The following RALGPS1 variants were observed in gnomAD, a reference collection of about 807,000 sequenced individuals.
RALGPS1 encodes the protein Ral GEF with PH domain and SH3 binding motif 1, also known as ras-specific guanine nucleotide-releasing factor RalGPS1.
In RALGPS1, 19 loss-of-function variants were observed where a neutral mutation model predicts 78.8. The ratio of observed to expected loss-of-function variants is 0.24; its 90% CI spans 0.17 to 0.35. The LOEUF is 0.35. RALGPS1 is among the 10% of genes least tolerant of loss of function. RALGPS1 has a pLI of 1.00. For synonymous variants in RALGPS1, 228 were observed against 256.3 expected, an observed-to-expected ratio of 0.89 and a Z score of 1.06; for missense variants, 454 against 688.3, an observed-to-expected ratio of 0.66 and a Z score of 3.81.
chr9:127,212,960 G>A lies in RALGPS1; in HGVS notation c.1463G>A (p.Gly488Asp), dbSNP rs2062362993. The change falls in exon 17 of 19, where the codon GGC (glycine) becomes GAC (aspartate). Residue 488 changes from glycine (G) to aspartate (D), a missense_variant. Transcript: ENST00000259351. The surrounding 1 kb of genome is among the most constrained non-coding windows in gnomAD (Gnocchi z 6.0). Reference sequence around the variant, plus strand: ...CTCCTCCAGTATAAATCCACACCTGGCAAAAAGGTTTCCATCGTGGGCTGG... The same window carrying A: ...CTCCTCCAGTATAAATCCACACCTGACAAAAAGGTTTCCATCGTGGGCTGG... ...TDRKHYKSTPGKKVSIVGWMV... is the reference protein window; with the variant it reads ...TDRKHYKSTPDKKVSIVGWMV... The A allele has an allele frequency of 6.2e-7, 1 of 1,614,174 alleles. No homozygotes were observed. The highest frequency in any genetic ancestry group is 8.5e-7 in the Non-Finnish European group (1 of 1,180,032).
chr9:127,097,842 A>G (rs61152674), intron 8 of RALGPS1, among the ~76,000 whole-genome samples: 8,947 of 152,228 alleles, frequency 0.059, 884 homozygotes, highest in African/African-American at 0.2. Context: ...CTTGGCTCCA[A>G]TCTCGATGGC....
intron 3 of RALGPS1, among the ~76,000 whole-genome samples, chr9:126,973,011 G>A (rs2040268349): frequency 6.6e-6 from 1 of 152,056 alleles, no homozygotes; most frequent in Non-Finnish European, 1.5e-5. Context: ...GCAGTGAGCC[G>A]AGATTGCGCC....
chr9:127,151,066 C>T (rs935486440), intron 8 of RALGPS1, among the ~76,000 whole-genome samples: 3 of 152,030 alleles, frequency 2.0e-5, no homozygotes, highest in Admixed American at 6.5e-5. Flanking sequence ...CGCCTGTAGT[C>T]CCAGCTACTC....
intron 11 of RALGPS1, among the ~76,000 whole-genome samples, chr9:127,190,141 A>T (rs1175212596): frequency 6.6e-6 from 1 of 152,128 alleles, no homozygotes; most frequent in Non-Finnish European, 1.5e-5. Flanking sequence ...TCCTCCCTAC[A>T]GTTACTGCTG....
chr9:127,035,644 C>T (rs1436620378), intron 5 of RALGPS1, among the ~76,000 whole-genome samples: 2 of 152,152 alleles, frequency 1.3e-5, no homozygotes, highest in African/African-American at 4.8e-5. Context: ...GCTCAACCCT[C>T]TCCAGGCTTC....
rs1290823041 is a variant in RALGPS1 at position 127,021,351 on chromosome 9, A to C, written c.217-13080A>C. Among the ~76,000 whole-genome samples the C allele has an allele frequency of 2.6e-5, 4 of 152,036 alleles. No individual in the cohort carries two copies. The East Asian group carries it at 5.8e-4, about 22-fold the overall frequency. On this transcript the variant is annotated intron_variant, in intron 4 of 18. Coordinates refer to ENST00000259351, the MANE Select transcript of RALGPS1 (RefSeq NM_014636.3). ...ACCCCGTCTCTACTAAAAATACAAA[A>C]ACTTAGCCGGGCATATTGGTGCACC...
At chr9:126,943,171 C>T (rs1028339425) in intron 1 of RALGPS1, among the ~76,000 whole-genome samples, 4 of 151,996 alleles carry the variant, frequency 2.6e-5, no homozygotes, top group Admixed American at 2.0e-4. Flanking sequence ...TGGAGTCTTA[C>T]TCACTCTGTT....
chr9:126,974,960 A>G (rs1296471525), intron 3 of RALGPS1, among the ~76,000 whole-genome samples: 1 of 151,302 alleles, frequency 6.6e-6, no homozygotes, highest in Non-Finnish European at 1.5e-5. Context: ...CCCTACCCAT[A>G]CTTCCCACCC....
At chr9:126,941,488 T>C (rs2036786871) in intron 1 of RALGPS1, among the ~76,000 whole-genome samples, 2 of 152,074 alleles carry the variant, frequency 1.3e-5, no homozygotes, top group Admixed American at 1.3e-4. Context: ...AAAGAGAAAA[T>C]TATGACCTGT....
intron 1 of RALGPS1, among the ~76,000 whole-genome samples, chr9:126,937,455 T>C (rs1205584185): frequency 6.6e-6 from 1 of 152,216 alleles, no homozygotes; most frequent in Non-Finnish European, 1.5e-5. Flanking sequence ...TCAGAACTTA[T>C]ATTAGGACTA....
chr9:127,057,716 C>T (rs996509404), intron 7 of RALGPS1, among the ~76,000 whole-genome samples: 1 of 152,218 alleles, frequency 6.6e-6, no homozygotes, highest in African/African-American at 2.4e-5. Context: ...GAGTACACAT[C>T]ACCGTGTGGC....
At chr9:127,154,876 A>G (rs1474515641) in intron 8 of RALGPS1, among the ~76,000 whole-genome samples, 1 of 152,204 alleles carries the variant, frequency 6.6e-6, no homozygotes, top group Non-Finnish European at 1.5e-5. Context: ...TTCTGTGCAC[A>G]GTAGCAAATC....
At chr9:127,105,980 A>G (rs1477255606) in intron 8 of RALGPS1, among the ~76,000 whole-genome samples, 1 of 152,202 alleles carries the variant, frequency 6.6e-6, no homozygotes, top group East Asian at 1.9e-4. Context: ...CCTTGTCCCC[A>G]TTTTACAGAG....
chr9:126,955,212 A>T (rs774743137), intron 1 of RALGPS1, among the ~76,000 whole-genome samples: 5 of 152,196 alleles, frequency 3.3e-5, no homozygotes, highest in Admixed American at 6.5e-5. Context: ...CTGACTGCCT[A>T]CCTAGAATAT....
intron 1 of RALGPS1, among the ~76,000 whole-genome samples, chr9:126,949,209 T>C (rs1588592038): frequency 6.6e-6 from 1 of 152,334 alleles, no homozygotes; most frequent in African/African-American, 2.4e-5. Flanking sequence ...ATCCAGTCTA[T>C]CATTGTTGGA....
chr9:126,941,781 C>T (rs139820607), intron 1 of RALGPS1, among the ~76,000 whole-genome samples: 133 of 152,338 alleles, frequency 8.7e-4, no homozygotes, highest in Middle Eastern at 3.4e-3. Context: ...ATCTCCCTCA[C>T]CTTTTTATCT....
chr9:127,081,974 A>G (rs964369337), intron 8 of RALGPS1, among the ~76,000 whole-genome samples: 3 of 152,182 alleles, frequency 2.0e-5, no homozygotes, highest in African/African-American at 7.2e-5. Context: ...AGAGACACGG[A>G]TATTTGAATG....
In RALGPS1 at chr9:127,166,261, T is replaced by G. The variant is rs1212831011; in HGVS notation, c.748+55T>G. 6 of 1,596,402 alleles carry G rather than the reference T, an allele frequency of 3.8e-6. No homozygotes were observed. In the Admixed American group the frequency reaches 8.9e-5, roughly 24 times the overall value. ...ATCTTACGTCATTGAAATTTGGGTCTTACCAGTGAGAAAGCTCTAGAAACC... is the reference window on the plus strand; with the variant it reads ...ATCTTACGTCATTGAAATTTGGGTCGTACCAGTGAGAAAGCTCTAGAAACC... On this transcript the variant is annotated intron_variant, in intron 9 of 18. Transcript: ENST00000259351.
At chr9:127,088,168 A>C (rs1262783497) in intron 8 of RALGPS1, 3 of 152,384 alleles carry the variant, frequency 2.0e-5, no homozygotes, top group Non-Finnish European at 2.9e-5. Flanking sequence ...CACAGAAGGC[A>C]CTTAATGAAT....
Sources: gnomAD v4.1 joint callset for allele counts (sites outside exome capture counted in the v4.1 genomes callset) on GRCh38, gnomAD v4.1.1 for gene constraint, Gnocchi (gnomAD v3.1) non-coding constraint, MANE v1.5 for transcripts, NCBI Gene and HGNC (gene_info 2026-07-23, HGNC 2026-07-21) for gene names.